The following EIF2AK4 variants were observed in gnomAD, a reference collection of about 807,000 sequenced individuals.
The protein encoded by EIF2AK4 is eIF-2-alpha kinase GCN2.
EIF2AK4 carries 139 observed loss-of-function variants against 211.1 expected under a neutral mutation model. The ratio of observed to expected loss-of-function variants is 0.66; its 90% confidence interval spans 0.57 to 0.76. The LOEUF is 0.76. Among genes scored for constraint, EIF2AK4 ranks in the 30% least tolerant of loss-of-function variants. The probability of loss-of-function intolerance (pLI) is 0.00; values close to 1 mark genes in which losing one functional copy is unlikely to be tolerated. For synonymous variants in EIF2AK4, 710 were observed against 751.3 expected, an observed-to-expected ratio of 0.94 and a Z score of 0.90; for missense variants, 1,664 against 2,043.8, an observed-to-expected ratio of 0.81 and a Z score of 3.58.
intron 25 of EIF2AK4, among the ~76,000 whole-genome samples, chr15:40,008,927 A>G (rs1469557797): frequency 1.3e-5 from 2 of 152,074 alleles, no homozygotes; most frequent in African/African-American, 4.8e-5. Flanking sequence ...AATACTCATT[A>G]ATCGATTTGT....
chr15:40,021,674 G>A (rs2035389028), intron 31 of EIF2AK4: 1 of 152,448 alleles, frequency 6.6e-6, no homozygotes, highest in Non-Finnish European at 1.5e-5. Context: ...GTGTGGAGGT[G>A]TGGAAAGTGG....
chr15:39,998,764 G>C lies in EIF2AK4; in HGVS notation c.2902G>C (p.Asp968His). The C allele has an allele frequency of 6.2e-7, 1 of 1,612,690 alleles. No homozygotes were observed. The highest frequency in any genetic ancestry group is 8.5e-7 in the Non-Finnish European group (1 of 1,179,270). Residue 968 changes from aspartate to histidine, a missense_variant, in exon 20 of 39, where the codon GAT becomes CAT. Transcript: ENST00000263791. ...TSPKFPEDFD[D>H]GEHAKQKSVI... Reference sequence around the variant, plus strand: ...GCCTAAGTTTCCAGAAGACTTTGACGATGGAGAGCATGCAAAGCAGGTAAT... The same window carrying C: ...GCCTAAGTTTCCAGAAGACTTTGACCATGGAGAGCATGCAAAGCAGGTAAT...
At chr15:39,958,745 A>T (rs1012628816) in intron 6 of EIF2AK4, among the ~76,000 whole-genome samples, 1 of 152,136 alleles carries the variant, frequency 6.6e-6, no homozygotes, top group Non-Finnish European at 1.5e-5. Flanking sequence ...CAGGAAGGTG[A>T]GACTATCCCT....
At chr15:40,014,351 G>C (rs2035277197) in intron 27 of EIF2AK4, among the ~76,000 whole-genome samples, 1 of 152,258 alleles carries the variant, frequency 6.6e-6, no homozygotes, top group South Asian at 2.1e-4. Context: ...TTCTGCCTGG[G>C]CATCCAGGCG....
At chr15:39,949,022 T>C in intron 3 of EIF2AK4, 94 bp from the exon 4 acceptor site, 1 of 1,469,362 alleles carries the variant, frequency 6.8e-7, no homozygotes. Flanking sequence ...AGTGGGCCTC[T>C]GACCGCCAGT....
intron 7 of EIF2AK4, among the ~76,000 whole-genome samples, chr15:39,964,602 A>G (rs1467730726): frequency 1.3e-5 from 2 of 152,220 alleles, no homozygotes; most frequent in Non-Finnish European, 2.9e-5. Context: ...ATGCTATGAT[A>G]TGGTAAATTA....
intron 37 of EIF2AK4, among the ~76,000 whole-genome samples, chr15:40,033,177 C>G (rs568547018): frequency 6.6e-6 from 1 of 152,212 alleles, no homozygotes; most frequent in Middle Eastern, 3.4e-3. Context: ...TTACAGAGTA[C>G]GGAAGTAGAG....
intron 2 of EIF2AK4, among the ~76,000 whole-genome samples, chr15:39,941,686 A>G (rs1359297187): frequency 6.6e-6 from 1 of 152,196 alleles, no homozygotes; most frequent in African/African-American, 2.4e-5. Context: ...GGCACTACTG[A>G]CATGTGGGCA....
intron 5 of EIF2AK4, among the ~76,000 whole-genome samples, chr15:39,955,357 G>T (rs1448616251): frequency 3.3e-5 from 5 of 152,110 alleles, no homozygotes; most frequent in Admixed American, 3.3e-4. Flanking sequence ...ATATAGTGAA[G>T]TTTTGATACA....
intron 6 of EIF2AK4, among the ~76,000 whole-genome samples, chr15:39,960,965 A>G (rs896803582): frequency 1.3e-5 from 2 of 152,226 alleles, no homozygotes; most frequent in Admixed American, 6.5e-5. Context: ...AGATCTGTCC[A>G]TGCACGTCAT....
In EIF2AK4 at chr15:40,001,140, G is replaced by A. The variant is rs1278403462; in HGVS notation, c.3075G>A (p.Lys1025=). The part of the protein sequence containing the change: ...LHHTLTNVDG[K]AYRTMMAQIF... ...ACACGCTGACCAACGTGGATGGGAA[G>A]GCCTACCGCACCATGATGGCCCAGA... Residue 1025 remains lysine, a synonymous_variant, in exon 21 of 39, where the codon AAG becomes AAA. Transcript: ENST00000263791. The A allele has an allele frequency of 6.2e-7, 1 of 1,614,140 alleles. No individual in the cohort carries two copies. Among genetic ancestry groups the A allele is most frequent in the Admixed American group, 1.7e-5 (1 of 60,012 alleles).
chr15:40,011,995 T>G (rs2035241217), intron 27 of EIF2AK4, among the ~76,000 whole-genome samples: 1 of 152,248 alleles, frequency 6.6e-6, no homozygotes, highest in Non-Finnish European at 1.5e-5. Context: ...TACATTTTCC[T>G]GAATATTTAA....
chr15:39,978,396 A>G (rs2034731027), intron 13 of EIF2AK4: 1 of 232,386 alleles, frequency 4.3e-6, no homozygotes, highest in African/African-American at 2.3e-5. Flanking sequence ...GCATTTTTGT[A>G]TGTGATGAAA....
At chr15:39,990,173 T>A (rs2034922752) in intron 15 of EIF2AK4, 100 bp from the exon 16 acceptor site, 3 of 1,139,866 alleles carry the variant, frequency 2.6e-6, no homozygotes, top group Non-Finnish European at 3.9e-6. Flanking sequence ...GGAGAAGACC[T>A]CATACGATTT....
chr15:39,988,632 GA>G (rs1410313415), intron 15 of EIF2AK4, among the ~76,000 whole-genome samples: 2 of 152,128 alleles, frequency 1.3e-5, no homozygotes, highest in African/African-American at 4.8e-5. Context: ...GCCCTTTACA[GA>G]AAAAATTTGT....
chr15:39,990,401 G>C lies in EIF2AK4; in HGVS notation c.2631+24G>C, dbSNP rs1158001047. 1.9e-6 allele frequency: 3 copies of C among 1,591,540 alleles called. No individual in the cohort carries two copies. In the East Asian group the frequency reaches 6.7e-5, roughly 36 times the overall value. ...CTGTAAGTATTTTAAAAATTAGACT[G>C]TACCTAAAAACAGACTCAGATGTCT... On this transcript the variant is annotated intron_variant, in intron 16 of 38. Transcript: ENST00000263791.
chr15:39,949,122 A>G lies in EIF2AK4; in HGVS notation c.367A>G (p.Ile123Val), dbSNP rs762690182. ...TTTTTGTTTACATGTTTAGGTGATG[A>G]TCTTTGAACTGGCTTACCACGTGCA... ...LAKKHCGEVM[I>V]FELAYHVQSF... The change falls in exon 4 of 39, where the codon ATC becomes GTC. Residue 123 changes from isoleucine to valine, a missense_variant. Ile to Val is a conservative substitution (Grantham distance 29). Transcript: ENST00000263791. 3.1e-6 allele frequency: 5 copies of G among 1,612,592 alleles called. No homozygotes were observed. Among genetic ancestry groups the G allele is most frequent in the Admixed American group, 3.3e-5 (2 of 59,962 alleles).
chr15:40,031,319 AGAGT>A (rs769711054), intron 35 of EIF2AK4, among the ~76,000 whole-genome samples: 2 of 152,262 alleles, frequency 1.3e-5, no homozygotes, highest in Non-Finnish European at 2.9e-5. Flanking sequence ...CATATGCAAA[AGAGT>A]GAGTGTTAAA....
At chr15:39,985,924 C>A (rs1457959797) in intron 14 of EIF2AK4, 36 bp downstream of exon 14, 1 of 1,587,260 alleles carries the variant, frequency 6.3e-7, no homozygotes, top group East Asian at 2.2e-5. Context: ...GACACAGCAA[C>A]ACCCAGTAGT....
Sources: gnomAD v4.1 joint callset for allele counts (sites outside exome capture counted in the v4.1 genomes callset) on GRCh38, gnomAD v4.1.1 for gene constraint, MANE v1.5 for transcripts, NCBI Gene and HGNC (gene_info 2026-07-23, HGNC 2026-07-21) for gene names.